Variants in CENPP observed in about 807,000 individuals in gnomAD.
CENPP encodes the protein centromere protein P.
CENPP carries 24 observed loss-of-function variants against 35.6 expected under a neutral mutation model. The observed-to-expected ratio is 0.67, with a 90% CI of 0.49 to 0.95. The LOEUF is 0.95. CENPP is among the 40% of genes least tolerant of loss of function. CENPP has a pLI of 0.00. For synonymous variants in CENPP, 120 were observed against 125.5 expected (o/e 0.96, Z 0.29); for missense variants, 332 against 345.3 (o/e 0.96, Z 0.31).
chr9:92,449,305 G>A (rs1486816469), intron 5 of CENPP, among the ~76,000 whole-genome samples: 1 of 151,618 alleles, frequency 6.6e-6, no homozygotes, highest in Non-Finnish European at 1.5e-5. Flanking sequence ...GCCGGGCGTG[G>A]TGGCGGGCGC....
chr9:92,438,815 T>C (rs138159071), intron 5 of CENPP, among the ~76,000 whole-genome samples: 6,077 of 152,266 alleles, frequency 0.04, 153 homozygotes, highest in Middle Eastern at 0.075. Context: ...TAACCAGGCA[T>C]GGTGGCATGT....
At chr9:92,601,496 G>C (rs557109096) in intron 5 of CENPP, among the ~76,000 whole-genome samples, 1 of 152,192 alleles carries the variant, frequency 6.6e-6, no homozygotes, top group Non-Finnish European at 1.5e-5. Context: ...CCATGTTAGA[G>C]CTCTTGAGAA....
chr9:92,328,432 T>C (rs1840636905), intron 1 of CENPP, among the ~76,000 whole-genome samples: 1 of 152,230 alleles, frequency 6.6e-6, no homozygotes, highest in South Asian at 2.1e-4. Flanking sequence ...ATCCTGTCTC[T>C]GCTATTGGCT....
At chr9:92,385,776 A>T in intron 5 of CENPP, 1 of 1,614,088 alleles carries the variant, frequency 6.2e-7, no homozygotes, top group Non-Finnish European at 8.5e-7. Flanking sequence ...CTGTAATTGA[A>T]GCTATGTTGT....
chr9:92,450,244 C>A (rs902802232), intron 5 of CENPP, among the ~76,000 whole-genome samples: 1 of 125,770 alleles, frequency 8.0e-6, no homozygotes, highest in East Asian at 2.8e-4. Context: ...ATCCCTCCCC[C>A]CTCCCCCGAC....
intron 3 of CENPP, chr9:92,339,535 C>A (rs1020766475): frequency 6.6e-6 from 1 of 152,206 alleles, no homozygotes; most frequent in Non-Finnish European, 1.5e-5. Flanking sequence ...CTTAGAGTAT[C>A]ACTCTCACAC....
In CENPP at chr9:92,461,942, A is replaced by G. The variant is rs187946775; in HGVS notation, c.564+82083A>G. ...TAAACACGGATTTTTACCCTATTTG[A>G]TATGTTCAGGTCATTGCAGTATTTA... On this transcript the variant is annotated intron_variant, in intron 5 of 7. Coordinates refer to ENST00000375587, the MANE Select transcript of CENPP (RefSeq NM_001012267.3). Among the ~76,000 whole-genome samples the G allele has an allele frequency of 1.1e-3, 172 of 151,792 alleles. 1 individual carries two copies. Among genetic ancestry groups the G allele is most frequent in the African/African-American group, 4.0e-3 (165 of 41,408 alleles).
chr9:92,444,884 G>A (rs993331558), intron 5 of CENPP, among the ~76,000 whole-genome samples: 2 of 152,110 alleles, frequency 1.3e-5, no homozygotes, highest in Non-Finnish European at 2.9e-5. Context: ...GGAGTTACCT[G>A]GCGGCTGTAC....
chr9:92,514,296 A>T (rs1443578114), intron 5 of CENPP, among the ~76,000 whole-genome samples: 5 of 138,596 alleles, frequency 3.6e-5, no homozygotes, highest in South Asian at 2.3e-4. Context: ...TTTTTTTGAG[A>T]TGGAGTCTCG....
intron 4 of CENPP, among the ~76,000 whole-genome samples, chr9:92,359,721 G>C (rs1051366714): frequency 1.3e-5 from 2 of 151,988 alleles, no homozygotes; most frequent in African/African-American, 4.8e-5. Context: ...CTGACTCTTT[G>C]TCTACACTTC....
intron 5 of CENPP, among the ~76,000 whole-genome samples, chr9:92,500,547 C>T (rs1384653569): frequency 6.6e-6 from 1 of 152,198 alleles, no homozygotes; most frequent in Non-Finnish European, 1.5e-5. Context: ...TATAATGAAT[C>T]CTCACATACC....
At chr9:92,576,462 A>G (rs1438677373) in intron 5 of CENPP, among the ~76,000 whole-genome samples, 1 of 152,172 alleles carries the variant, frequency 6.6e-6, no homozygotes, top group Admixed American at 6.6e-5. Context: ...TAATAGCACT[A>G]AACTTAAACC....
chr9:92,330,083 A>T (rs1304975823), intron 1 of CENPP, among the ~76,000 whole-genome samples: 1 of 152,206 alleles, frequency 6.6e-6, no homozygotes, highest in East Asian at 1.9e-4. Flanking sequence ...TCATAAGAGC[A>T]TTGGTTAATG....
intron 5 of CENPP, among the ~76,000 whole-genome samples, chr9:92,552,868 T>C (rs1454883964): frequency 1.3e-5 from 2 of 152,204 alleles, no homozygotes; most frequent in Admixed American, 6.5e-5. Context: ...ATCTTTGTTT[T>C]TATTGCATTT....
intron 5 of CENPP, among the ~76,000 whole-genome samples, chr9:92,526,889 G>T (rs2131263368): frequency 6.6e-6 from 1 of 152,252 alleles, no homozygotes; most frequent in Admixed American, 6.5e-5. Flanking sequence ...ACTCACCGGA[G>T]TGACTTCCAG....
chr9:92,561,076 TTAAG>T (rs1849837706), intron 5 of CENPP, among the ~76,000 whole-genome samples: 1 of 152,144 alleles, frequency 6.6e-6, no homozygotes, highest in African/African-American at 2.4e-5. Flanking sequence ...GCTTCATTCA[TTAAG>T]TAAGCATAAA....
At chr9:92,568,279 T>TTC (rs1850047076) in intron 5 of CENPP, among the ~76,000 whole-genome samples, 1 of 152,022 alleles carries the variant, frequency 6.6e-6, no homozygotes, top group African/African-American at 2.4e-5. Flanking sequence ...TGTTCCCCAC[T>TTC]CTGTGTCCAA....
chr9:92,510,710 A>G (rs1847280576), intron 5 of CENPP, among the ~76,000 whole-genome samples: 2 of 152,352 alleles, frequency 1.3e-5, no homozygotes, highest in South Asian at 4.1e-4. Context: ...TCACTTCTCC[A>G]GTGATCATAT....
At chr9:92,454,784 AGAC>A (rs1844826010) in intron 5 of CENPP, among the ~76,000 whole-genome samples, 2 of 152,324 alleles carry the variant, frequency 1.3e-5, no homozygotes, top group South Asian at 4.1e-4. Flanking sequence ...AACTTGCCCA[AGAC>A]TATAAATGGA....
Sources: gnomAD v4.1 joint callset for allele counts (sites outside exome capture counted in the v4.1 genomes callset) on GRCh38, gnomAD v4.1.1 for gene constraint, MANE v1.5 for transcripts, NCBI Gene and HGNC (gene_info 2026-07-23, HGNC 2026-07-21) for gene names.